Variants in CTXND1 observed in about 807,000 individuals in gnomAD.
The protein encoded by CTXND1 is cortexin domain containing 1.
chr15:80,207,451 A>G (rs946526834), intron 1 of CTXND1, among the ~76,000 whole-genome samples: 1 of 152,186 alleles, frequency 6.6e-6, no homozygotes, highest in African/African-American at 2.4e-5. Context: ...TTGATGCTTT[A>G]AAACAATTTC....
At chr15:80,222,839 G>T (rs1270383226) in intron 1 of CTXND1, among the ~76,000 whole-genome samples, 3 of 151,882 alleles carry the variant, frequency 2.0e-5, no homozygotes, top group Non-Finnish European at 4.4e-5. Flanking sequence ...CTTTTACAAT[G>T]GATTCACATA....
intron 1 of CTXND1, among the ~76,000 whole-genome samples, chr15:80,209,957 T>C (rs1661928527): frequency 6.6e-6 from 1 of 152,262 alleles, no homozygotes; most frequent in African/African-American, 2.4e-5. Context: ...GACACCTTAT[T>C]TGTACTTTTA....
At chr15:80,240,788 C>A (rs1893555847) in intron 1 of CTXND1, among the ~76,000 whole-genome samples, 1 of 152,176 alleles carries the variant, frequency 6.6e-6, no homozygotes, top group South Asian at 2.1e-4. Context: ...TGAATAAAGA[C>A]TTAAGTAGCT....
In CTXND1 at chr15:80,201,725, A is replaced by T. The variant is rs1161525855; in HGVS notation, c.*45T>A. ...AACACACGGATGCATCCTGGGGCAC[A>T]GCCACCCACAGAGCGCCAGGTCCAG... On this transcript the variant is annotated 3_prime_UTR_variant, in exon 3 of 3. Transcript: ENST00000560778. 2 of 398,536 alleles carry T rather than the reference A, an allele frequency of 5.0e-6. No homozygotes were observed. Among genetic ancestry groups the T allele is most frequent in the East Asian group, 7.1e-5 (2 of 28,080 alleles). The allele number at this position is 398,536 out of a possible 1,614,324, so 24.7% of individuals were successfully genotyped here.
intron 1 of CTXND1, among the ~76,000 whole-genome samples, chr15:80,237,336 G>GAAAA (rs201997173): frequency 1.2e-3 from 119 of 99,908 alleles, no homozygotes; most frequent in African/African-American, 1.5e-3. Context: ...CAGTGTCTCA[G>GAAAA]AAAAAAAAAA....
intron 1 of CTXND1, among the ~76,000 whole-genome samples, chr15:80,222,962 A>C (rs1893333360): frequency 6.6e-6 from 1 of 152,234 alleles, no homozygotes; most frequent in Admixed American, 6.5e-5. Flanking sequence ...ATATCACCAC[A>C]GATTAGTTTT....
At chr15:80,205,124 T>G (rs1219305914) in intron 1 of CTXND1, among the ~76,000 whole-genome samples, 1 of 152,226 alleles carries the variant, frequency 6.6e-6, no homozygotes, top group East Asian at 1.9e-4. Flanking sequence ...CTGTTCCACA[T>G]CTTTTAAAAT....
At chr15:80,248,217 G>A (rs2141467370) in intron 1 of CTXND1, among the ~76,000 whole-genome samples, 1 of 152,308 alleles carries the variant, frequency 6.6e-6, no homozygotes, top group South Asian at 2.1e-4. Context: ...GGTCGTACAA[G>A]TCATACCTGA....
chr15:80,244,631 T>C (rs1893608177), intron 1 of CTXND1, among the ~76,000 whole-genome samples: 1 of 152,168 alleles, frequency 6.6e-6, no homozygotes, highest in African/African-American at 2.4e-5. Flanking sequence ...TTTGTATAGT[T>C]CTGGCTGCAA....
At chr15:80,227,246 T>C (rs1337986956) in intron 1 of CTXND1, among the ~76,000 whole-genome samples, 2 of 152,232 alleles carry the variant, frequency 1.3e-5, no homozygotes, top group Non-Finnish European at 1.5e-5. Flanking sequence ...CTCTGTTTCC[T>C]ATAACAGATT....
At chr15:80,246,240 A>C (rs760182252) in intron 1 of CTXND1, among the ~76,000 whole-genome samples, 1 of 152,236 alleles carries the variant, frequency 6.6e-6, no homozygotes, top group Non-Finnish European at 1.5e-5. Flanking sequence ...TGTAATTCCA[A>C]AGTTCAATTC....
At chr15:80,203,104 G>A (rs10851927) in intron 2 of CTXND1, among the ~76,000 whole-genome samples, 99,607 of 152,068 alleles carry the variant, frequency 0.66, 32,900 homozygotes, top group East Asian at 0.85. Flanking sequence ...CTGGGAGCTC[G>A]AGGAGCTGGC....
intron 1 of CTXND1, among the ~76,000 whole-genome samples, chr15:80,206,963 A>G (rs1893153253): frequency 6.6e-6 from 1 of 152,212 alleles, no homozygotes; most frequent in African/African-American, 2.4e-5. Flanking sequence ...GTCCTTCAGG[A>G]AGAGGTCATG....
chr15:80,214,777 G>C (rs1893234660), intron 1 of CTXND1, among the ~76,000 whole-genome samples: 1 of 152,172 alleles, frequency 6.6e-6, no homozygotes, highest in Non-Finnish European at 1.5e-5. Flanking sequence ...ATAGTTAAAA[G>C]TGGAAATTAA....
In CTXND1 at chr15:80,199,248, T is replaced by C. The variant is rs2041436239; in HGVS notation, c.*2522A>G. The C allele has an allele frequency of 6.6e-6, 1 of 152,210 alleles. No homozygotes were observed. Among genetic ancestry groups the C allele is most frequent in the South Asian group, 2.1e-4 (1 of 4,836 alleles). 9.4% of individuals were successfully genotyped at this position (152,210 alleles called of 1,614,324 possible). A position where few individuals can be genotyped will look rare whatever the true frequency, so the allele number is the denominator to read the frequency against. On this transcript the variant is annotated 3_prime_UTR_variant, in exon 3 of 3. Coordinates refer to ENST00000560778, the MANE Select transcript of CTXND1 (RefSeq NM_001352888.2). Reference sequence around the variant, plus strand: ...ACGTGCACATAAACCACCTAGCGAATCTTGCTAATATACATTCTGTACGTA... The same window carrying C: ...ACGTGCACATAAACCACCTAGCGAACCTTGCTAATATACATTCTGTACGTA...
intron 1 of CTXND1, among the ~76,000 whole-genome samples, chr15:80,240,898 TG>T (rs1215215884): frequency 2.0e-5 from 3 of 152,220 alleles, no homozygotes; most frequent in African/African-American, 4.8e-5. Context: ...AGGACAAAGC[TG>T]GCTTCCTTTG....
At chr15:80,222,270 T>C (rs1403997033) in intron 1 of CTXND1, among the ~76,000 whole-genome samples, 6 of 152,182 alleles carry the variant, frequency 3.9e-5, no homozygotes, top group East Asian at 3.8e-4. Context: ...AATCCACATG[T>C]ACCAATCATC....
chr15:80,233,699 C>G (rs1893459134), intron 1 of CTXND1, among the ~76,000 whole-genome samples: 1 of 152,220 alleles, frequency 6.6e-6, no homozygotes. Context: ...CCACTTCCCC[C>G]ACAGCGACTC....
intron 1 of CTXND1, among the ~76,000 whole-genome samples, chr15:80,221,961 A>G (rs1337260438): frequency 6.6e-6 from 1 of 152,202 alleles, no homozygotes; most frequent in Non-Finnish European, 1.5e-5. Flanking sequence ...CACCGTGGTC[A>G]GAGAATATAG....
Sources: gnomAD v4.1 joint callset for allele counts (sites outside exome capture counted in the v4.1 genomes callset) on GRCh38, gnomAD v4.1.1 for gene constraint, MANE v1.5 for transcripts, NCBI Gene and HGNC (gene_info 2026-07-23, HGNC 2026-07-21) for gene names.